RFFL: variants seen among roughly 807,000 people sequenced by gnomAD.
RFFL encodes E3 ubiquitin-protein ligase rififylin.
Under a neutral mutation model 40.4 loss-of-function variants are expected in RFFL, and 16 were observed. That is an observed-to-expected ratio of 0.40 (90% CI 0.27 to 0.60). The LOEUF is 0.60. Among genes scored for constraint, RFFL ranks in the 20% least tolerant of loss-of-function variants. The pLI, the probability that RFFL is intolerant of heterozygous loss-of-function variation, is 0.47. For synonymous variants in RFFL, 154 were observed against 167.9 expected, an observed-to-expected ratio of 0.92 and a Z score of 0.64; for missense variants, 367 against 451.7, an observed-to-expected ratio of 0.81 and a Z score of 1.70.
intron 1 of RFFL, among the ~76,000 whole-genome samples, chr17:35,056,213 C>T (rs1279450534): frequency 1.3e-5 from 2 of 152,122 alleles, no homozygotes; most frequent in African/African-American, 4.8e-5. Context: ...CACTGGCTCC[C>T]ACTGCAAGCG....
At chr17:35,023,829 A>C (rs185639318) in intron 2 of RFFL, among the ~76,000 whole-genome samples, 1 of 152,176 alleles carries the variant, frequency 6.6e-6, no homozygotes, top group Admixed American at 6.5e-5. Context: ...CCTAGCTTCT[A>C]TGCACCCGCT....
At chr17:35,024,770 G>C (rs1034220645) in intron 2 of RFFL, among the ~76,000 whole-genome samples, 1 of 152,184 alleles carries the variant, frequency 6.6e-6, no homozygotes, top group African/African-American at 2.4e-5. Flanking sequence ...AAGCCCCTGG[G>C]TGTTAAATGC....
intron 1 of RFFL, among the ~76,000 whole-genome samples, chr17:35,032,094 CAAAAAAAAAAAAA>C (rs11308568): frequency 1.2e-5 from 1 of 82,170 alleles, no homozygotes; most frequent in Non-Finnish European, 2.9e-5. Flanking sequence ...GACTCCGTCT[CAAAAAAAAAAAAA>C]AAAAGAAAAA....
At chr17:35,023,039 C>A (rs187022400) in intron 2 of RFFL, among the ~76,000 whole-genome samples, 3 of 152,338 alleles carry the variant, frequency 2.0e-5, no homozygotes, top group Admixed American at 2.0e-4. Flanking sequence ...GAGCTCTGTT[C>A]TGGCCAAGAG....
intron 1 of RFFL, among the ~76,000 whole-genome samples, chr17:35,081,393 A>C (rs778107819): frequency 6.6e-6 from 1 of 152,212 alleles, no homozygotes; most frequent in African/African-American, 2.4e-5. Context: ...CTCCTTTCAC[A>C]TCAGGTTGGA....
In RFFL at chr17:35,036,811, A is replaced by G. The variant is rs115857867; in HGVS notation, c.-8-10250T>C. Among the ~76,000 whole-genome samples the G allele has an allele frequency of 7.0e-3, 1,073 of 152,316 alleles. 11 individuals carry two copies. Among genetic ancestry groups the G allele is most frequent in the African/African-American group, 0.024 (988 of 41,558 alleles). ...TCTACCTATTAAGTCCTAGATTCCT[A>G]AGTAGTTTCAAAACACTTCTCCGCT... On this transcript the variant is annotated intron_variant, in intron 1 of 6. Coordinates refer to ENST00000394597, the MANE Select transcript of RFFL (RefSeq NM_001017368.2).
rs1372763593 is a variant in RFFL at position 35,008,214 on chromosome 17, G to A, written c.*3754C>T. On this transcript the variant is annotated 3_prime_UTR_variant, in exon 7 of 7. Transcript: ENST00000394597. The stretch of plus-strand genomic sequence containing the variant: ...GTGTAAATATCTGAACTCACTTGGT[G>A]CTTCAACCCAATTGGTCTTGGGATT... 1 of 152,212 alleles carries A rather than the reference G, an allele frequency of 6.6e-6. No individual in the cohort carries two copies. Among genetic ancestry groups the A allele is most frequent in the Non-Finnish European group, 1.5e-5 (1 of 68,044 alleles). The allele number at this position is 152,212 out of a possible 1,614,324, so 9.4% of individuals were successfully genotyped here.
chr17:35,044,585 G>A (rs1220512003), intron 1 of RFFL, among the ~76,000 whole-genome samples: 1 of 152,172 alleles, frequency 6.6e-6, no homozygotes, highest in Non-Finnish European at 1.5e-5. Flanking sequence ...CTGCAGTCCA[G>A]CCTGGGAGAC....
rs1252745203 is a variant in RFFL, at chr17:35,008,969, A to G, written c.*2999T>C. 1 of 152,162 alleles carries G rather than the reference A, an allele frequency of 6.6e-6. No homozygotes were observed. The highest frequency in any genetic ancestry group is 1.5e-5 in the Non-Finnish European group (1 of 68,044). 9.4% of individuals were successfully genotyped at this position (152,162 alleles called of 1,614,324 possible). On this transcript the variant is annotated 3_prime_UTR_variant, in exon 7 of 7. Coordinates refer to ENST00000394597, the MANE Select transcript of RFFL (RefSeq NM_001017368.2). ...TTAAGTAGAGACAAGGTCTCACTACATTGCCCAGGTTGGTCTCAAACTCCT... is the reference window on the plus strand; with the variant it reads ...TTAAGTAGAGACAAGGTCTCACTACGTTGCCCAGGTTGGTCTCAAACTCCT...
At chr17:35,078,775 T>C (rs990912216) in intron 1 of RFFL, among the ~76,000 whole-genome samples, 1 of 151,694 alleles carries the variant, frequency 6.6e-6, no homozygotes, top group Non-Finnish European at 1.5e-5. Flanking sequence ...AGGTCAGGAG[T>C]TCGACACCAG....
chr17:35,016,596 T>C lies in RFFL; in HGVS notation c.676-16A>G. Reference sequence around the variant, plus strand: ...AGTCAATAGACTGCAATGACAAAGATGAGATCAGTGTGCTCAGCTCTTACC... The same window carrying C: ...AGTCAATAGACTGCAATGACAAAGACGAGATCAGTGTGCTCAGCTCTTACC... On this transcript the variant is annotated splice_polypyrimidine_tract_variant and intron_variant, in intron 4 of 6. Transcript: ENST00000394597. The C allele has an allele frequency of 2.5e-6, 4 of 1,601,708 alleles. No individual in the cohort carries two copies. The highest frequency in any genetic ancestry group is 3.4e-6 in the Non-Finnish European group (4 of 1,168,916).
At chr17:35,045,999 T>G (rs2091197945) in intron 1 of RFFL, among the ~76,000 whole-genome samples, 2 of 143,134 alleles carry the variant, frequency 1.4e-5, no homozygotes, top group African/African-American at 5.3e-5. Context: ...CACTCCACCC[T>G]GGCTGACAGA....
At chr17:35,033,679 T>C (rs1015905155) in intron 1 of RFFL, among the ~76,000 whole-genome samples, 1 of 151,742 alleles carries the variant, frequency 6.6e-6, no homozygotes, top group Non-Finnish European at 1.5e-5. Flanking sequence ...TATAAATTTA[T>C]AGTATTAGCA....
chr17:35,053,871 G>A (rs905647173), intron 1 of RFFL, among the ~76,000 whole-genome samples: 1 of 152,096 alleles, frequency 6.6e-6, no homozygotes, highest in Admixed American at 6.6e-5. Context: ...TCCCGTTAAC[G>A]GAAAAGGAAT....
rs540579280 is a variant in RFFL at position 35,062,347 on chromosome 17, G to C, written c.-9+1229C>G. On this transcript the variant is annotated intron_variant, in intron 1 of 6. Transcript: ENST00000394597. ...GAACCAGGAAGGCAGAGGTTGCAGTGAGCTAAGATCACACCACTGCACTGC... is the reference window on the plus strand; with the variant it reads ...GAACCAGGAAGGCAGAGGTTGCAGTCAGCTAAGATCACACCACTGCACTGC... Among the ~76,000 whole-genome samples, 41 of 152,132 alleles carry C rather than the reference G, an allele frequency of 2.7e-4. No individual in the cohort carries two copies. The South Asian group carries it at 5.8e-3, about 22-fold the overall frequency.
At chr17:35,068,469 T>C (rs1361321703), upstream of RFFL, among the ~76,000 whole-genome samples, 1 of 152,232 alleles carries the variant, frequency 6.6e-6, no homozygotes, top group African/African-American at 2.4e-5. Context: ...ATACAGGAAC[T>C]GGCACTGCAT....
intron 1 of RFFL, chr17:35,069,294 C>T (rs1378116737): frequency 6.6e-6 from 3 of 456,554 alleles, no homozygotes; most frequent in Admixed American, 2.4e-5. Context: ...ATTAACTTAC[C>T]TTTGTTCATG....
intron 1 of RFFL, among the ~76,000 whole-genome samples, chr17:35,052,691 T>C (rs1209648240): frequency 2.0e-5 from 3 of 152,178 alleles, no homozygotes; most frequent in Non-Finnish European, 4.4e-5. Context: ...CCAATAGATA[T>C]TGAATGCCCA....
intron 1 of RFFL, among the ~76,000 whole-genome samples, chr17:35,060,384 T>C (rs1267086781): frequency 6.6e-6 from 1 of 152,180 alleles, no homozygotes; most frequent in Non-Finnish European, 1.5e-5. Flanking sequence ...TGGAACCTGA[T>C]AGAGTATATT....
Sources: allele counts gnomAD v4.1 joint callset (sites outside exome capture counted in the v4.1 genomes callset), GRCh38; gene constraint gnomAD v4.1.1; transcripts MANE v1.5; gene names NCBI Gene and HGNC (gene_info 2026-07-23, HGNC 2026-07-21).